DIS3L2: variants seen among roughly 807,000 people sequenced by gnomAD.
DIS3L2 encodes DIS3-like exonuclease 2.
Under a neutral mutation model 97.5 loss-of-function variants are expected in DIS3L2, and 34 were observed. That is an observed-to-expected ratio of 0.35 (90% CI 0.27 to 0.46). The LOEUF (loss-of-function observed/expected upper bound fraction) is 0.46. Among genes scored for constraint, DIS3L2 ranks in the 20% least tolerant of loss-of-function variants. DIS3L2 has a pLI of 1.00. For synonymous variants in DIS3L2, 435 were observed against 445.2 expected (o/e 0.98, Z 0.29); for missense variants, 1,038 against 1,146.0 (o/e 0.91, Z 1.36).
intron 14 of DIS3L2, among the ~76,000 whole-genome samples, chr2:232,312,521 G>A (rs1232388964): frequency 2.0e-5 from 3 of 152,206 alleles, no homozygotes; most frequent in African/African-American, 7.2e-5. Flanking sequence ...TTGATAGCCA[G>A]TAGAGCTACA....
At chr2:232,096,429 T>C (rs983662152) in intron 6 of DIS3L2, among the ~76,000 whole-genome samples, 1 of 152,130 alleles carries the variant, frequency 6.6e-6, no homozygotes, top group Non-Finnish European at 1.5e-5. Context: ...TGGTGTTCTA[T>C]AACCTTCTTG....
chr2:231,964,899 T>C (rs1386692352), intron 1 of DIS3L2, among the ~76,000 whole-genome samples: 4 of 152,244 alleles, frequency 2.6e-5, no homozygotes, highest in Non-Finnish European at 5.9e-5. Flanking sequence ...TTGATTTGTC[T>C]CTAAAGTACA....
chr2:232,333,761 G>GTAATC lies in DIS3L2; in HGVS notation c.2011-79_2011-78insTAATC. 7.6e-6 allele frequency: 11 copies of GTAATC among 1,443,672 alleles called. No homozygotes were observed. In the Admixed American group the frequency reaches 1.2e-4, roughly 16 times the overall value. 89.4% of individuals were successfully genotyped at this position (1,443,672 alleles called of 1,614,324 possible). A position where few individuals can be genotyped will look rare whatever the true frequency, so the allele number is the denominator to read the frequency against. The stretch of plus-strand genomic sequence containing the variant: ...GTCCACACATCGCTGCCGACGGTGA[G>GTAATC]GCTGTGGGTGGTGCCAGCCTTCCAG... On this transcript the variant is annotated intron_variant, in intron 16 of 20. Transcript: ENST00000325385.
At chr2:232,271,238 T>C (rs1460652483) in intron 13 of DIS3L2, among the ~76,000 whole-genome samples, 1 of 152,104 alleles carries the variant, frequency 6.6e-6, no homozygotes, top group Non-Finnish European at 1.5e-5. Context: ...AAGAAACCCA[T>C]TGTGTTTGAA....
At chr2:231,987,886 C>T (rs1263741543) in intron 1 of DIS3L2, among the ~76,000 whole-genome samples, 1 of 152,070 alleles carries the variant, frequency 6.6e-6, no homozygotes, top group Admixed American at 6.6e-5. Context: ...GTTGCCCAGG[C>T]TGGAGTGCAA....
At chr2:232,213,549 T>C (rs1320469730) in intron 10 of DIS3L2, among the ~76,000 whole-genome samples, 1 of 152,058 alleles carries the variant, frequency 6.6e-6, no homozygotes, top group African/African-American at 2.4e-5. Flanking sequence ...TGAGGTTGGC[T>C]AAGTTCAGGT....
At chr2:232,130,546 G>T (rs1157739974) in intron 6 of DIS3L2, 73 bp from the exon 7 acceptor site, 2 of 1,519,254 alleles carry the variant, frequency 1.3e-6, no homozygotes, top group African/African-American at 1.4e-5. Flanking sequence ...TTTCTAGATT[G>T]AATTTTAAAA....
chr2:232,146,902 G>A (rs1690231453), intron 8 of DIS3L2, among the ~76,000 whole-genome samples: 1 of 152,080 alleles, frequency 6.6e-6, no homozygotes, highest in South Asian at 2.1e-4. Flanking sequence ...AGATTAAAAA[G>A]TCACTCAGAA....
chr2:232,128,107 C>G (rs904711806), intron 6 of DIS3L2, among the ~76,000 whole-genome samples: 1 of 151,934 alleles, frequency 6.6e-6, no homozygotes, highest in Non-Finnish European at 1.5e-5. Flanking sequence ...TACACCATCA[C>G]ACCTGGTGGA....
intron 8 of DIS3L2, among the ~76,000 whole-genome samples, chr2:232,155,157 C>T (rs867455786): frequency 4.8e-5 from 7 of 146,488 alleles, no homozygotes; most frequent in Non-Finnish European, 7.4e-5. Context: ...AGAAATCACC[C>T]GTCTTCTGCG....
At chr2:232,073,916 C>T (rs889418794) in intron 5 of DIS3L2, among the ~76,000 whole-genome samples, 1 of 152,174 alleles carries the variant, frequency 6.6e-6, no homozygotes, top group Admixed American at 6.5e-5. Context: ...TTCCAGCTTT[C>T]TGAGTGACAG....
At chr2:232,164,290 G>A (rs1172971482) in intron 9 of DIS3L2, among the ~76,000 whole-genome samples, 1 of 152,212 alleles carries the variant, frequency 6.6e-6, no homozygotes, top group Non-Finnish European at 1.5e-5. Flanking sequence ...TTGTTGGAAA[G>A]TACTTTCGTG....
intron 10 of DIS3L2, among the ~76,000 whole-genome samples, chr2:232,232,388 G>A (rs1041502853): frequency 1.3e-5 from 2 of 152,208 alleles, no homozygotes; most frequent in Non-Finnish European, 2.9e-5. Context: ...ATCAGTTTGA[G>A]AAATGGCAGG....
At chr2:232,044,914 G>A (rs747000458) in intron 5 of DIS3L2, among the ~76,000 whole-genome samples, 2 of 152,172 alleles carry the variant, frequency 1.3e-5, no homozygotes, top group African/African-American at 2.4e-5. Context: ...ACAGGTGTGA[G>A]TCACTGCTCC....
At chr2:231,996,849 A>G (rs1693746173) in intron 1 of DIS3L2, among the ~76,000 whole-genome samples, 1 of 152,284 alleles carries the variant, frequency 6.6e-6, no homozygotes, top group East Asian at 1.9e-4. Context: ...CTGTCTTTAT[A>G]CTTGTCATAC....
At chr2:232,310,857 T>C (rs1695108005) in intron 14 of DIS3L2, among the ~76,000 whole-genome samples, 1 of 152,252 alleles carries the variant, frequency 6.6e-6, no homozygotes, top group Non-Finnish European at 1.5e-5. Context: ...AGCTGCCTCC[T>C]GTATTGCTTC....
At chr2:232,253,504 A>G (rs1292038835) in intron 12 of DIS3L2, among the ~76,000 whole-genome samples, 2 of 152,232 alleles carry the variant, frequency 1.3e-5, no homozygotes, top group Non-Finnish European at 2.9e-5. Context: ...CAGAAAAACC[A>G]AGCAAATAAA....
intron 13 of DIS3L2, among the ~76,000 whole-genome samples, chr2:232,290,138 TC>T (rs1440469566): frequency 1.3e-5 from 2 of 152,230 alleles, no homozygotes; most frequent in Admixed American, 6.5e-5. Context: ...AACGCAGTCA[TC>T]CTCTTTGGCC....
At chr2:231,993,005 T>C (rs1443082000) in intron 1 of DIS3L2, among the ~76,000 whole-genome samples, 1 of 152,156 alleles carries the variant, frequency 6.6e-6, no homozygotes, top group African/African-American at 2.4e-5. Context: ...TCAATTTCAG[T>C]TGCTTTGGTT....
Sources: gnomAD v4.1 joint callset for allele counts (sites outside exome capture counted in the v4.1 genomes callset) on GRCh38, gnomAD v4.1.1 for gene constraint, MANE v1.5 for transcripts, NCBI Gene and HGNC (gene_info 2026-07-23, HGNC 2026-07-21) for gene names.